LUZP2: variants seen among roughly 807,000 people sequenced by gnomAD.
The protein encoded by LUZP2 is leucine zipper protein 2.
A neutral mutation model predicts 51.6 loss-of-function variants in LUZP2; 52 were observed. The ratio of observed to expected loss-of-function variants is 1.01; its 90% CI spans 0.81 to 1.27. The LOEUF is 1.27. Ranked by LOEUF, LUZP2 falls within the 50% of genes most tolerant of loss-of-function variation. The pLI, the probability that LUZP2 is intolerant of heterozygous loss-of-function variation, is 0.00. For synonymous variants in LUZP2, 154 were observed against 137.3 expected (o/e 1.12, Z -0.85); for missense variants, 436 against 395.4 (o/e 1.10, Z -0.87).
chr11:24,878,702 T>TA (rs1292572623), intron 5 of LUZP2, among the ~76,000 whole-genome samples: 1 of 151,972 alleles, frequency 6.6e-6, no homozygotes, highest in East Asian at 1.9e-4. Context: ...ACAGGTTTTT[T>TA]ACGTAGGTAT....
At chr11:24,621,669 C>T (rs1188563468) in intron 1 of LUZP2, among the ~76,000 whole-genome samples, 2 of 151,952 alleles carry the variant, frequency 1.3e-5, no homozygotes, top group Non-Finnish European at 2.9e-5. Flanking sequence ...TATATTTTTC[C>T]TTAAGGTTTT....
chr11:24,562,699 C>A (rs1180994310), intron 1 of LUZP2, among the ~76,000 whole-genome samples: 32 of 138,788 alleles, frequency 2.3e-4, no homozygotes, highest in African/African-American at 3.5e-4. Context: ...TGAAAAAATA[C>A]AAAAAAAAAA....
chr11:24,835,046 C>T (rs1000579172), intron 5 of LUZP2, among the ~76,000 whole-genome samples: 1 of 151,970 alleles, frequency 6.6e-6, no homozygotes, highest in South Asian at 2.1e-4. Flanking sequence ...CTGTAGGTTG[C>T]CTGTTCACTC....
chr11:24,558,824 C>T (rs1370726494), intron 1 of LUZP2, among the ~76,000 whole-genome samples: 1 of 152,180 alleles, frequency 6.6e-6, no homozygotes, highest in Non-Finnish European at 1.5e-5. Flanking sequence ...TAAGAGCAGA[C>T]ACCCCGTTGG....
chr11:24,884,482 T>C (rs1297948994), intron 5 of LUZP2, among the ~76,000 whole-genome samples: 1 of 152,026 alleles, frequency 6.6e-6, no homozygotes, highest in Non-Finnish European at 1.5e-5. Context: ...CCCTATAAAA[T>C]ACAGCCTAAA....
chr11:24,680,213 G>T (rs988835509), intron 1 of LUZP2, among the ~76,000 whole-genome samples: 1 of 152,196 alleles, frequency 6.6e-6, no homozygotes, highest in Non-Finnish European at 1.5e-5. Flanking sequence ...GCACAGAGTT[G>T]CTAATGTCCT....
intron 1 of LUZP2, among the ~76,000 whole-genome samples, chr11:24,692,945 AC>A (rs1434956601): frequency 2.6e-5 from 4 of 151,796 alleles, no homozygotes; most frequent in Non-Finnish European, 5.9e-5. Context: ...CTTTGACATT[AC>A]CTCATTTTTG....
chr11:24,836,974 T>G (rs1850877848), intron 5 of LUZP2, among the ~76,000 whole-genome samples: 1 of 151,624 alleles, frequency 6.6e-6, no homozygotes, highest in Admixed American at 6.6e-5. Context: ...TTTTAATACT[T>G]GTTACTTTCC....
At chr11:24,741,640 C>A (rs1859146416) in intron 4 of LUZP2, among the ~76,000 whole-genome samples, 1 of 151,220 alleles carries the variant, frequency 6.6e-6, no homozygotes, top group African/African-American at 2.4e-5. Context: ...GCTTAGCTCC[C>A]ACATATCAGT....
At chr11:24,831,299 T>C (rs577282795) in intron 5 of LUZP2, among the ~76,000 whole-genome samples, 2 of 152,342 alleles carry the variant, frequency 1.3e-5, no homozygotes, top group South Asian at 4.1e-4. Context: ...TATTCAGCTC[T>C]ACACTTTGTC....
intron 5 of LUZP2, among the ~76,000 whole-genome samples, chr11:24,893,836 G>A (rs1357619976): frequency 6.6e-6 from 1 of 151,678 alleles, no homozygotes; most frequent in Non-Finnish European, 1.5e-5. Context: ...TTTGATCATA[G>A]TTTTAGACAT....
chr11:24,702,238 T>C (rs1275490617), intron 1 of LUZP2, among the ~76,000 whole-genome samples: 1 of 152,328 alleles, frequency 6.6e-6, no homozygotes, highest in African/African-American at 2.4e-5. Flanking sequence ...GGAAAATCAC[T>C]GGAATAACTT....
chr11:24,937,628 G>A (rs560337852), intron 7 of LUZP2, among the ~76,000 whole-genome samples: 13 of 152,250 alleles, frequency 8.5e-5, no homozygotes, highest in South Asian at 8.3e-4. Context: ...GTGGCCGGGC[G>A]CGGTGGCTCA....
At chr11:25,043,202 C>A (rs1285919451) in intron 9 of LUZP2, among the ~76,000 whole-genome samples, 1 of 152,104 alleles carries the variant, frequency 6.6e-6, no homozygotes, top group Non-Finnish European at 1.5e-5. Flanking sequence ...CTGTTGTAGA[C>A]CAAGCTGACT....
At chr11:24,726,804 T>C (rs1320518992) in intron 1 of LUZP2, among the ~76,000 whole-genome samples, 1 of 152,058 alleles carries the variant, frequency 6.6e-6, no homozygotes, top group Non-Finnish European at 1.5e-5. Context: ...ACATTTACTT[T>C]TCATGTAAGC....
chr11:25,059,786 C>A lies in LUZP2; in HGVS notation c.858+9656C>A, dbSNP rs575250480. 4.6e-5 allele frequency among the ~76,000 whole-genome samples: 7 copies of A among 152,226 alleles called. No homozygotes were observed. In the South Asian group the frequency reaches 8.3e-4, roughly 18 times the overall value. The stretch of plus-strand genomic sequence containing the variant: ...AGGGGAAAAACTCCAGCAATAAATT[C>A]TTTGGCAATGTCTAGATTTTGTAAT... On this transcript the variant is annotated intron_variant, in intron 10 of 11. Transcript: ENST00000336930.
chr11:24,569,702 A>C (rs2133796659), intron 1 of LUZP2, among the ~76,000 whole-genome samples: 1 of 127,482 alleles, frequency 7.8e-6, no homozygotes, highest in Non-Finnish European at 1.7e-5. Flanking sequence ...ATATCCTATT[A>C]ATTGCATACA....
chr11:24,978,270 G>A (rs1855935629), intron 8 of LUZP2, among the ~76,000 whole-genome samples: 1 of 151,584 alleles, frequency 6.6e-6, no homozygotes, highest in Non-Finnish European at 1.5e-5. Flanking sequence ...TCCAACTTAT[G>A]CCAATTATTA....
intron 1 of LUZP2, among the ~76,000 whole-genome samples, chr11:24,675,900 C>A (rs1375569177): frequency 6.6e-6 from 1 of 151,804 alleles, no homozygotes; most frequent in African/African-American, 2.4e-5. Context: ...CTCACTGCAA[C>A]CTCCCCCTCC....
Sources: allele counts gnomAD v4.1 joint callset (sites outside exome capture counted in the v4.1 genomes callset), GRCh38; gene constraint gnomAD v4.1.1; transcripts MANE v1.5; gene names NCBI Gene and HGNC (gene_info 2026-07-23, HGNC 2026-07-21).